Variants in KATNIP observed in about 807,000 individuals in gnomAD.
KATNIP encodes katanin interacting protein.
A neutral mutation model predicts 174.0 loss-of-function variants in KATNIP; 126 were observed. The observed-to-expected ratio is 0.72, with a 90% CI of 0.63 to 0.84. The LOEUF (loss-of-function observed/expected upper bound fraction) is 0.84, where lower values mean the gene tolerates loss of function less well. Ranked by LOEUF, KATNIP falls within the 40% of genes least tolerant of loss-of-function variation. The pLI, the probability that KATNIP is intolerant of heterozygous loss-of-function variation, is 0.00. For synonymous variants in KATNIP, 810 were observed against 835.7 expected (o/e 0.97, Z 0.53); for missense variants, 1,958 against 2,109.7 (o/e 0.93, Z 1.41).
chr16:27,576,742 CCT>C (rs1567453199), intron 2 of KATNIP, among the ~76,000 whole-genome samples: 2 of 152,166 alleles, frequency 1.3e-5, no homozygotes, highest in African/African-American at 4.8e-5. Flanking sequence ...CATCCTATGC[CCT>C]CTCTCCTGAC....
chr16:27,558,740 T>C (rs981484502), intron 1 of KATNIP, among the ~76,000 whole-genome samples: 2 of 152,170 alleles, frequency 1.3e-5, no homozygotes, highest in South Asian at 2.1e-4. Flanking sequence ...GCCAAAAATA[T>C]TTACTATCTG....
At chr16:27,550,310 G>A in intron 1 of KATNIP, 133 bp downstream of exon 1, 1 of 994,106 alleles carries the variant, frequency 1.0e-6, no homozygotes, top group Non-Finnish European at 1.5e-6. Flanking sequence ...TCCGAAATGA[G>A]GGATAGGGAG....
At chr16:27,685,616 C>T (rs1359668013) in intron 8 of KATNIP, among the ~76,000 whole-genome samples, 1 of 152,122 alleles carries the variant, frequency 6.6e-6, no homozygotes, top group Admixed American at 6.5e-5. Flanking sequence ...GTATTTAGTT[C>T]TTAGGGTAGT....
chr16:27,628,688 C>A lies in KATNIP; in HGVS notation c.168C>A (p.Asp56Glu). 1 of 1,614,192 alleles carries A rather than the reference C, an allele frequency of 6.2e-7. No homozygotes were observed. The highest frequency in any genetic ancestry group is 8.5e-7 in the Non-Finnish European group (1 of 1,180,000). ...TATTAAAGCATTTGAAAAGCAAGGA[C>A]CCCGTGCAATTGAGGCTGGAGCACT... ...NRILKHLKSKDPVQLRLEHLE... is the reference protein window; with the variant it reads ...NRILKHLKSKEPVQLRLEHLE... The change falls in exon 4 of 28, where the codon GAC becomes GAA. Residue 56 changes from aspartate to glutamate, a missense_variant. Asp to Glu is a conservative substitution (Grantham distance 45). Transcript: ENST00000261588.
intron 13 of KATNIP, among the ~76,000 whole-genome samples, chr16:27,714,868 A>G (rs1288071642): frequency 2.0e-5 from 3 of 152,232 alleles, no homozygotes; most frequent in Non-Finnish European, 4.4e-5. Context: ...CGAGATGGTA[A>G]TACTTCCCCA....
At chr16:27,698,794 G>A (rs568407200) in intron 9 of KATNIP, among the ~76,000 whole-genome samples, 82 of 152,370 alleles carry the variant, frequency 5.4e-4, no homozygotes, top group African/African-American at 1.9e-3. Flanking sequence ...GACCAGGGTT[G>A]CAAACTGGTG....
At position 27,721,712 on chromosome 16, in the gene KATNIP, G is replaced by C; in HGVS notation, c.1743+17G>C. ...GCTGATGGCGTAAGTAACAGGCGCT[G>C]GTTCCCCACTGGGCACTGGGTTGAT... is the stretch of plus-strand genomic sequence containing the variant. On this transcript the variant is annotated intron_variant, in intron 14 of 27. Transcript: ENST00000261588. 1 of 1,612,194 alleles carries C rather than the reference G, an allele frequency of 6.2e-7. No homozygotes were observed. Among genetic ancestry groups the C allele is most frequent in the Non-Finnish European group, 8.5e-7 (1 of 1,179,294 alleles).
chr16:27,649,480 A>G (rs905881217), intron 6 of KATNIP, among the ~76,000 whole-genome samples: 1 of 152,206 alleles, frequency 6.6e-6, no homozygotes, highest in African/African-American at 2.4e-5. Flanking sequence ...AGAGGTGCCT[A>G]TACTTTTTTA....
At position 27,749,929 on chromosome 16, in the gene KATNIP, A is replaced by T. The variant is rs771902394; in HGVS notation, c.2969A>T (p.Tyr990Phe). 6.2e-7 allele frequency: 1 copy of T among 1,614,190 alleles called. No individual in the cohort carries two copies. Residue 990 changes from tyrosine to phenylalanine, a missense_variant, in exon 16 of 28, where the codon TAT becomes TTT. Physicochemically the swap from Tyr to Phe is conservative, Grantham distance 22 (BLOSUM62 3). Transcript: ENST00000261588. ...DIKSTWGDRH[Y>F]VGLNGIEIFS... ...AAGTCTACCTGGGGGGACAGACACT[A>T]TGTCGGCCTCAACGGAATAGAAATA...
chr16:27,626,833 C>T (rs757137545), intron 3 of KATNIP, among the ~76,000 whole-genome samples: 3 of 152,046 alleles, frequency 2.0e-5, no homozygotes, highest in Non-Finnish European at 4.4e-5. Context: ...TGGCACATGC[C>T]TGTAGTCCAA....
chr16:27,632,714 A>C (rs2076525710), intron 5 of KATNIP: 2 of 430,836 alleles, frequency 4.6e-6, no homozygotes, highest in Non-Finnish European at 9.4e-6. Context: ...GGTTGATACC[A>C]GTGGTGGAGT....
Position 27,648,494 on chromosome 16 carries a change from G to T in KATNIP, c.409-110G>T, listed in dbSNP as rs531441407. 2.5e-5 allele frequency: 32 copies of T among 1,304,298 alleles called. No homozygotes were observed. In the Admixed American group the frequency reaches 6.1e-4, roughly 25 times the overall value. The allele number at this position is 1,304,298 out of a possible 1,614,324, so 80.8% of individuals were successfully genotyped here. On this transcript the variant is annotated intron_variant, in intron 5 of 27. Transcript: ENST00000261588. ...TTGCATGCAGGCACACCACCCCATG[G>T]TATCTATGCCCATAGATCCTGGCTG...
intron 13 of KATNIP, among the ~76,000 whole-genome samples, chr16:27,713,582 A>G (rs1158424104): frequency 1.3e-5 from 2 of 150,714 alleles, no homozygotes; most frequent in African/African-American, 2.4e-5. Context: ...CTCCATAAAA[A>G]AAATTAATTA....
chr16:27,749,231 G>A (rs2081399981), intron 15 of KATNIP, among the ~76,000 whole-genome samples: 1 of 152,316 alleles, frequency 6.6e-6, no homozygotes, highest in East Asian at 1.9e-4. Flanking sequence ...ATGAAAAAAT[G>A]CTTTGTGTTT....
At chr16:27,594,262 AAAC>A (rs1430633674) in intron 2 of KATNIP, among the ~76,000 whole-genome samples, 2 of 151,766 alleles carry the variant, frequency 1.3e-5, no homozygotes, top group African/African-American at 4.8e-5. Context: ...CCTATCTCAA[AAAC>A]AACAACAACC....
At position 27,777,579 on chromosome 16, in the gene KATNIP, G is replaced by T; in HGVS notation, c.4552-31G>T. 6.4e-7 allele frequency: 1 copy of T among 1,573,872 alleles called. No homozygotes were observed. Among genetic ancestry groups the T allele is most frequent in the South Asian group, 1.2e-5 (1 of 85,154 alleles). ...AGGTCAACGTGGGAGGGACGAGGGG[G>T]ACCCATGAGTCCTGCCCCGTGTCCC... On this transcript the variant is annotated intron_variant, in intron 25 of 27. Transcript: ENST00000261588. This position sits in a 1 kb window ranked among gnomAD's most constrained non-coding sequence, Gnocchi z 4.4.
At chr16:27,654,853 G>T in intron 6 of KATNIP, 2 of 929,870 alleles carry the variant, frequency 2.2e-6, no homozygotes, top group Non-Finnish European at 3.0e-6. Context: ...CCACAGGGCG[G>T]GCACGGTGGC....
chr16:27,681,329 C>A, intron 7 of KATNIP, 70 bp from the exon 8 acceptor site: 1 of 1,578,268 alleles, frequency 6.3e-7, no homozygotes. Flanking sequence ...GAATGATGAA[C>A]AAATGCCTGA....
At chr16:27,657,770 C>T (rs929812151) in intron 6 of KATNIP, among the ~76,000 whole-genome samples, 17 of 152,168 alleles carry the variant, frequency 1.1e-4, no homozygotes, top group African/African-American at 3.1e-4. Flanking sequence ...ATTAGCTGGG[C>T]GTGGTGGTGT....
Sources: allele counts gnomAD v4.1 joint callset (sites outside exome capture counted in the v4.1 genomes callset), GRCh38; gene constraint gnomAD v4.1.1; non-coding constraint Gnocchi (gnomAD v3.1); transcripts MANE v1.5; gene names NCBI Gene and HGNC (gene_info 2026-07-23, HGNC 2026-07-21).